The following AKT3 variants were observed in gnomAD, a reference collection of about 807,000 sequenced individuals.
The protein encoded by AKT3 is AKT serine/threonine kinase 3, also known as RAC-gamma serine/threonine-protein kinase.
In AKT3, 15 loss-of-function variants were observed where a neutral mutation model predicts 65.3. The observed-to-expected ratio is 0.23, with a 90% CI of 0.15 to 0.35. The LOEUF (loss-of-function observed/expected upper bound fraction) is 0.35, where lower values mean the gene tolerates loss of function less well. Among genes scored for constraint, AKT3 ranks in the 10% least tolerant of loss-of-function variants. The pLI is 1.00. For synonymous variants in AKT3, 206 were observed against 183.8 expected (o/e 1.12, Z -0.98); for missense variants, 243 against 576.5 (o/e 0.42, Z 5.92).
At chr1:243,793,940 T>C (rs1691787455) in intron 2 of AKT3, among the ~76,000 whole-genome samples, 1 of 152,226 alleles carries the variant, frequency 6.6e-6, no homozygotes, top group Non-Finnish European at 1.5e-5. Flanking sequence ...ATTAGAAATT[T>C]ACTTATGGTT....
chr1:243,802,283 C>G (rs1692426591), intron 2 of AKT3, among the ~76,000 whole-genome samples: 3 of 152,114 alleles, frequency 2.0e-5, no homozygotes, highest in Non-Finnish European at 2.9e-5. Flanking sequence ...ACAAAAAGTT[C>G]CATATGACCC....
At chr1:243,564,871 C>T (rs1674039920) in intron 9 of AKT3, among the ~76,000 whole-genome samples, 1 of 152,018 alleles carries the variant, frequency 6.6e-6, no homozygotes, top group Non-Finnish European at 1.5e-5. Context: ...TTATTCTACT[C>T]CTTAATGTGA....
chr1:243,826,898 C>T (rs2148438307), intron 2 of AKT3, among the ~76,000 whole-genome samples: 1 of 151,900 alleles, frequency 6.6e-6, no homozygotes, highest in Admixed American at 6.6e-5. Flanking sequence ...ATTCTGATGC[C>T]AAGTAAGTGT....
At chr1:243,739,775 T>C (rs1461297021) in intron 2 of AKT3, among the ~76,000 whole-genome samples, 1 of 152,222 alleles carries the variant, frequency 6.6e-6, no homozygotes, top group African/African-American at 2.4e-5. Flanking sequence ...CATTTTCCCC[T>C]TACACTCTGT....
At chr1:243,700,054 A>C (rs1436346563) in intron 2 of AKT3, among the ~76,000 whole-genome samples, 1 of 152,094 alleles carries the variant, frequency 6.6e-6, no homozygotes, top group Admixed American at 6.5e-5. Context: ...TGGCAGAATA[A>C]ATTTCTGTTG....
chr1:243,630,350 C>T (rs941159865), intron 6 of AKT3, among the ~76,000 whole-genome samples: 3 of 152,178 alleles, frequency 2.0e-5, no homozygotes, highest in African/African-American at 7.2e-5. Context: ...GCATAATCCA[C>T]CCTGGGGCAA....
rs1245967089 is a variant in AKT3, at chr1:243,502,367, T to C, written c.*2882A>G. The C allele has an allele frequency of 2.1e-5, 5 of 232,972 alleles. No homozygotes were observed. Among genetic ancestry groups the C allele is most frequent in the Admixed American group, 1.7e-4 (3 of 17,776 alleles). The allele number at this position is 232,972 out of a possible 1,614,324, so 14.4% of individuals were successfully genotyped here. A position where few individuals can be genotyped will look rare whatever the true frequency, so the allele number is the denominator to read the frequency against. ...ATGGAAAACAATACTTGAATAATGC[T>C]ATGTAATTAGTGTAGAAAGCAAAGC... On this transcript the variant is annotated 3_prime_UTR_variant, in exon 14 of 14. Coordinates refer to ENST00000673466, the MANE Select transcript of AKT3 (RefSeq NM_005465.7).
chr1:243,850,873 C>G (rs570072941), upstream of AKT3, among the ~76,000 whole-genome samples: 1 of 152,114 alleles, frequency 6.6e-6, no homozygotes, highest in Non-Finnish European at 1.5e-5. Context: ...CCCCCTCGCC[C>G]GCGTGGCCCT....
intron 2 of AKT3, among the ~76,000 whole-genome samples, chr1:243,755,122 G>A (rs1443775007): frequency 6.6e-6 from 1 of 152,112 alleles, no homozygotes; most frequent in African/African-American, 2.4e-5. Flanking sequence ...AGGCTGGAGT[G>A]CAGTGGCACA....
In AKT3 at chr1:243,726,329, T is replaced by C. The variant is rs578234196; in HGVS notation, c.47-30613A>G. 7.5e-4 allele frequency among the ~76,000 whole-genome samples: 115 copies of C among 152,318 alleles called. 2 individuals carry two copies. Among genetic ancestry groups the C allele is most frequent in the Admixed American group, 1.7e-3 (26 of 15,296 alleles). ...GTGAAATCTGGAAAAATTATCTGGA[T>C]GAAGAGTCAGGTGTTTTTTAACGTG... On this transcript the variant is annotated intron_variant, in intron 2 of 13. Transcript: ENST00000673466.
chr1:243,760,582 T>C (rs1434190788), intron 2 of AKT3, among the ~76,000 whole-genome samples: 3 of 152,198 alleles, frequency 2.0e-5, no homozygotes, highest in African/African-American at 7.2e-5. Context: ...TTTGCAGGCA[T>C]AGAGCAGCAA....
chr1:243,526,502 C>T (rs1217565994), intron 12 of AKT3, among the ~76,000 whole-genome samples: 7 of 152,064 alleles, frequency 4.6e-5, no homozygotes, highest in African/African-American at 7.2e-5. Flanking sequence ...AAATCTCCCA[C>T]GAGAATCTTA....
intron 2 of AKT3, among the ~76,000 whole-genome samples, chr1:243,811,432 AGAATAAAATACCTAG>A (rs1470563623): frequency 1.4e-4 from 21 of 152,342 alleles, no homozygotes; most frequent in African/African-American, 5.1e-4. Flanking sequence ...TGCTTCAAAG[AGAATAAAATACCTAG>A]GAATCCAACT....
At chr1:243,816,977 G>T (rs1262692763) in intron 2 of AKT3, among the ~76,000 whole-genome samples, 4 of 152,120 alleles carry the variant, frequency 2.6e-5, no homozygotes, top group Non-Finnish European at 5.9e-5. Context: ...AAATGTATTG[G>T]AACAATGATC....
intron 12 of AKT3, among the ~76,000 whole-genome samples, chr1:243,532,552 T>G (rs1671613871): frequency 6.6e-6 from 1 of 152,184 alleles, no homozygotes; most frequent in African/African-American, 2.4e-5. Flanking sequence ...GCTGAATGGT[T>G]TGCTAGTATT....
chr1:243,710,863 A>T (rs183918340), intron 2 of AKT3, among the ~76,000 whole-genome samples: 1 of 152,236 alleles, frequency 6.6e-6, no homozygotes, highest in Non-Finnish European at 1.5e-5. Context: ...TTAAACCTCC[A>T]TGAGGAGAAG....
chr1:243,564,771 T>C (rs1173713364), intron 9 of AKT3, among the ~76,000 whole-genome samples: 2 of 152,178 alleles, frequency 1.3e-5, no homozygotes, highest in Non-Finnish European at 2.9e-5. Context: ...CCTAAAGGTA[T>C]TTCTTCTGTC....
Position 243,664,896 on chromosome 1 carries a change from TA to T in AKT3, c.173-14del. 7.0e-7 allele frequency: 1 copy of T among 1,435,016 alleles called. No homozygotes were observed. Among genetic ancestry groups the T allele is most frequent in the Non-Finnish European group, 9.5e-7 (1 of 1,053,746 alleles). 88.9% of individuals were successfully genotyped at this position (1,435,016 alleles called of 1,614,324 possible). On this transcript the variant is annotated splice_polypyrimidine_tract_variant and intron_variant, in intron 3 of 13. Transcript: ENST00000673466. ...ATTAACTGGCATTCTAAGAATAAAATAAAATGTTTCTTTAAATATGGATATA... is the reference window on the plus strand; with the variant it reads ...ATTAACTGGCATTCTAAGAATAAAATAAATGTTTCTTTAAATATGGATATA...
chr1:243,749,124 A>G (rs1688650305), intron 2 of AKT3, among the ~76,000 whole-genome samples: 2 of 151,896 alleles, frequency 1.3e-5, no homozygotes, highest in Admixed American at 6.6e-5. Flanking sequence ...GTCTCATTCT[A>G]TGGAATCCCT....
Sources: allele counts gnomAD v4.1 joint callset (sites outside exome capture counted in the v4.1 genomes callset), GRCh38; gene constraint gnomAD v4.1.1; transcripts MANE v1.5; gene names NCBI Gene and HGNC (gene_info 2026-07-23, HGNC 2026-07-21).